The following ZNF608 variants were observed in gnomAD, a reference collection of about 807,000 sequenced individuals.
The protein encoded by ZNF608 is zinc finger protein 608, also known as renal carcinoma antigen NY-REN-36.
ZNF608 carries 12 observed loss-of-function variants against 109.0 expected under a neutral mutation model. That is an observed-to-expected ratio of 0.11 (90% CI 0.07 to 0.18). ZNF608 has a LOEUF of 0.18. Ranked by LOEUF, ZNF608 falls within the 10% of genes least tolerant of loss-of-function variation. ZNF608 has a pLI of 1.00. For missense variants in ZNF608, 1,707 were observed against 1,879.3 expected (o/e 0.91, Z 1.70); for synonymous variants, 732 against 717.4 (o/e 1.02, Z -0.33).
chr5:124,641,394 C>T lies in ZNF608; in HGVS notation c.4308G>A (p.Lys1436=), dbSNP rs767292417. 2 of 1,610,674 alleles carry T rather than the reference C, an allele frequency of 1.2e-6. No homozygotes were observed. The highest frequency in any genetic ancestry group is 2.7e-5 in the African/African-American group (2 of 74,782). Residue 1436 remains lysine (K), a synonymous_variant, in exon 8 of 10, where the codon AAG becomes AAA. Coordinates refer to ENST00000513986, the MANE Select transcript of ZNF608 (RefSeq NM_020747.3). ...CCTCCCGTTCCCGCTCAGCTGTAGC[C>T]TTTTCCACAGGCTGCAACAGAAAAG... ...YRSKSPAPVE[K]ATAEREREAE...
At chr5:124,682,068 CT>C (rs898267080) in intron 3 of ZNF608, among the ~76,000 whole-genome samples, 1 of 151,956 alleles carries the variant, frequency 6.6e-6, no homozygotes, top group African/African-American at 2.4e-5. Flanking sequence ...CCCATGAATG[CT>C]TTTCTTTTCT....
Position 124,745,079 on chromosome 5 carries a change from A to G in ZNF608, c.-90T>C. ...GTTTATCTCCGCTGGGCTTTCTCTC[A>G]AAGAAAAAAAAAATCTTCTAATCTT... On this transcript the variant is annotated 5_prime_UTR_variant, in exon 2 of 10. Transcript: ENST00000513986. The G allele has an allele frequency of 6.7e-7, 1 of 1,484,122 alleles. No homozygotes were observed. Among genetic ancestry groups the G allele is most frequent in the Non-Finnish European group, 8.9e-7 (1 of 1,127,082 alleles). 91.9% of individuals were successfully genotyped at this position (1,484,122 alleles called of 1,614,324 possible). A position where few individuals can be genotyped will look rare whatever the true frequency, so the allele number is the denominator to read the frequency against.
At position 124,700,211 on chromosome 5, in the gene ZNF608, T is replaced by C. The variant is rs143603701; in HGVS notation, c.1162+803A>G. 2.5e-3 allele frequency among the ~76,000 whole-genome samples: 377 copies of C among 152,328 alleles called. 1 individual carries two copies. The highest frequency in any genetic ancestry group is 0.02 in the Middle Eastern group (6 of 294). On this transcript the variant is annotated intron_variant, in intron 3 of 9. Coordinates refer to ENST00000513986, the MANE Select transcript of ZNF608 (RefSeq NM_020747.3). ...AATGGAGCACTACAGATCTTCTTGG[T>C]AGTTAGTTTTCAATTATTGGTTGGC...
chr5:124,685,111 T>C (rs911633079), intron 3 of ZNF608, among the ~76,000 whole-genome samples: 13 of 151,664 alleles, frequency 8.6e-5, no homozygotes, highest in African/African-American at 3.2e-4. Context: ...AAGTAACTTC[T>C]CACATGCTTT....
At chr5:124,649,214 G>A (rs1426784823) in intron 4 of ZNF608, 81 bp from the exon 5 acceptor site, 1 of 1,226,118 alleles carries the variant, frequency 8.2e-7, no homozygotes, top group African/African-American at 1.5e-5. Flanking sequence ...ATGCAGTAAA[G>A]AGGAGTCAAC....
intron 2 of ZNF608, 122 bp from the exon 3 acceptor site, chr5:124,701,391 C>T (rs1753046745): frequency 1.5e-6 from 2 of 1,308,432 alleles, no homozygotes; most frequent in Non-Finnish European, 2.1e-6. Context: ...TTATAATATG[C>T]TTTGAGTGTT....
At chr5:124,676,517 C>A (rs1464553375) in intron 3 of ZNF608, among the ~76,000 whole-genome samples, 2 of 152,098 alleles carry the variant, frequency 1.3e-5, no homozygotes, top group East Asian at 3.9e-4. Flanking sequence ...GTAACAAAGT[C>A]ATTTTATAAT....
At chr5:124,678,788 T>C (rs1311510985) in intron 3 of ZNF608, among the ~76,000 whole-genome samples, 1 of 152,174 alleles carries the variant, frequency 6.6e-6, no homozygotes, top group East Asian at 1.9e-4. Flanking sequence ...ACTCTAGTGC[T>C]CCTTCCTGTG....
intron 3 of ZNF608, among the ~76,000 whole-genome samples, chr5:124,694,645 A>AT (rs1752769227): frequency 6.6e-6 from 1 of 152,072 alleles, no homozygotes; most frequent in African/African-American, 2.4e-5. Context: ...ATATGTATAC[A>AT]TGTGCCATGT....
At chr5:124,715,909 C>T (rs1477244415) in intron 2 of ZNF608, among the ~76,000 whole-genome samples, 1 of 151,810 alleles carries the variant, frequency 6.6e-6, no homozygotes, top group African/African-American at 2.4e-5. Context: ...CTTGGGAGGC[C>T]GAGGCGGGCG....
At chr5:124,709,412 T>C (rs12517574) in intron 2 of ZNF608, among the ~76,000 whole-genome samples, 27,365 of 152,160 alleles carry the variant, frequency 0.18, 2,693 homozygotes, top group Admixed American at 0.27. Context: ...GTACTGAGTA[T>C]GTAAAGATGG....
intron 2 of ZNF608, among the ~76,000 whole-genome samples, chr5:124,732,378 T>C (rs1748947522): frequency 6.6e-6 from 1 of 151,960 alleles, no homozygotes; most frequent in African/African-American, 2.4e-5. Context: ...ATAAAAACAG[T>C]GAGTTGAGGA....
intron 3 of ZNF608, among the ~76,000 whole-genome samples, chr5:124,656,123 G>A (rs1295989798): frequency 9.2e-5 from 14 of 152,138 alleles, no homozygotes; most frequent in Admixed American, 9.2e-4. Context: ...CTGGAACACA[G>A]TGCTGCGATT....
intron 9 of ZNF608, chr5:124,638,923 T>A: frequency 1.3e-6 from 1 of 785,160 alleles, no homozygotes. Flanking sequence ...ACTAATCAGT[T>A]AATTACTAAT....
chr5:124,704,365 T>C (rs1009217302), intron 2 of ZNF608, among the ~76,000 whole-genome samples: 1 of 152,058 alleles, frequency 6.6e-6, no homozygotes, highest in African/African-American at 2.4e-5. Context: ...GCACTACCAG[T>C]GAGAGGAGAA....
At position 124,689,797 on chromosome 5, in the gene ZNF608, T is replaced by A. The variant is rs182503123; in HGVS notation, c.1162+11217A>T. On this transcript the variant is annotated intron_variant, in intron 3 of 9. Transcript: ENST00000513986. ...GAATGCCAAACAGTATTGCCACTTT[T>A]CCAAAAAACAGTCTGGCAGGTTCTT... Among the ~76,000 whole-genome samples the A allele has an allele frequency of 9.8e-5, 15 of 152,318 alleles. 1 individual carries two copies. The highest frequency in any genetic ancestry group is 3.6e-4 in the African/African-American group (15 of 41,566).
intron 3 of ZNF608, among the ~76,000 whole-genome samples, chr5:124,669,562 A>C (rs113742833): frequency 3.7e-4 from 56 of 152,314 alleles, no homozygotes; most frequent in African/African-American, 9.9e-4. Context: ...AAATGTTAAG[A>C]ATCAGCTTCC....
Position 124,701,235 on chromosome 5 carries a change from G to T in ZNF608, c.941C>A (p.Pro314Gln). The change falls in exon 3 of 10, where the codon CCG becomes CAG. Residue 314 changes from proline (P) to glutamine (Q), a missense_variant. Physicochemically the swap from Pro to Gln is moderately conservative, Grantham distance 76. This residue lies in a region of ZNF608 where 407 missense variants were observed against 398.7 expected (regional missense o/e 1.02). Transcript: ENST00000513986. ...AGGCGTGAGACTGCTGGAAATCGGCGGTGGTGGCGCTGGCACTGTAAACAG... is the reference window on the plus strand; with the variant it reads ...AGGCGTGAGACTGCTGGAAATCGGCTGTGGTGGCGCTGGCACTGTAAACAG... ...DPLFTVPAPP[P>Q]PISSSLTPQI... is the part of the protein sequence containing the mutation. 6.2e-7 allele frequency: 1 copy of T among 1,614,136 alleles called. No homozygotes were observed. The highest frequency in any genetic ancestry group is 8.5e-7 in the Non-Finnish European group (1 of 1,180,006).
chr5:124,641,470 C>T (rs191455333), intron 7 of ZNF608, 65 bp from the exon 8 acceptor site: 2 of 1,473,806 alleles, frequency 1.4e-6, no homozygotes, highest in African/African-American at 2.8e-5. Flanking sequence ...GAGTACTAAA[C>T]CACCTTTGTC....
Sources: gnomAD v4.1 joint callset for allele counts (sites outside exome capture counted in the v4.1 genomes callset) on GRCh38, gnomAD v4.1.1 for gene constraint, gnomAD v4.1.1 regional missense constraint, MANE v1.5 for transcripts, NCBI Gene and HGNC (gene_info 2026-07-23, HGNC 2026-07-21) for gene names.